HMCN1: variants seen among roughly 807,000 people sequenced by gnomAD.
HMCN1 encodes the protein hemicentin-1.
HMCN1 carries 321 observed loss-of-function variants against 625.9 expected under a neutral mutation model. That is an observed-to-expected ratio of 0.51 (90% CI 0.47 to 0.56). The LOEUF is 0.56. HMCN1 is among the 20% of genes least tolerant of loss of function. The probability of loss-of-function intolerance (pLI) is 0.00; values close to 1 mark genes in which losing one functional copy is unlikely to be tolerated. For synonymous variants in HMCN1, 2,425 were observed against 2,417.6 expected, an observed-to-expected ratio of 1.00 and a Z score of -0.09; for missense variants, 6,588 against 6,887.3, an observed-to-expected ratio of 0.96 and a Z score of 1.54.
intron 85 of HMCN1, among the ~76,000 whole-genome samples, chr1:186,131,695 A>G (rs979531175): frequency 1.8e-4 from 27 of 152,166 alleles, no homozygotes; most frequent in African/African-American, 6.3e-4. Context: ...TCTTCCATTC[A>G]CAAGACCTTC....
chr1:186,175,600 A>C (rs776547821), intron 103 of HMCN1, among the ~76,000 whole-genome samples: 21 of 152,210 alleles, frequency 1.4e-4, no homozygotes, highest in Non-Finnish European at 2.9e-4. Context: ...CATCTTGATC[A>C]GCCATAACCG....
chr1:185,907,111 C>T (rs563365151), intron 4 of HMCN1, among the ~76,000 whole-genome samples: 53 of 151,764 alleles, frequency 3.5e-4, no homozygotes, highest in African/African-American at 8.0e-4. Context: ...TTTGATAAGC[C>T]GAGTGATCCA....
intron 104 of HMCN1, 110 bp from the exon 105 acceptor site, chr1:186,182,058 T>G: frequency 8.2e-7 from 1 of 1,226,358 alleles, no homozygotes. Context: ...GAGTATAAAA[T>G]CACCAAGAAG....
intron 1 of HMCN1, among the ~76,000 whole-genome samples, chr1:185,832,142 A>G (rs990347014): frequency 1.3e-5 from 2 of 151,950 alleles, no homozygotes; most frequent in Non-Finnish European, 2.9e-5. Flanking sequence ...CTAAAAATAC[A>G]AAAATTAGCT....
chr1:186,075,830 A>G (rs2102359538), intron 53 of HMCN1, among the ~76,000 whole-genome samples: 1 of 152,236 alleles, frequency 6.6e-6, no homozygotes, highest in Middle Eastern at 3.4e-3. Flanking sequence ...GATTTTTCAT[A>G]ATTTTCTAAG....
intron 6 of HMCN1, among the ~76,000 whole-genome samples, chr1:185,920,794 G>A (rs907266933): frequency 3.3e-5 from 5 of 151,970 alleles, no homozygotes; most frequent in African/African-American, 7.3e-5. Flanking sequence ...GGCAAATTAC[G>A]TGTCATATTT....
chr1:186,007,000 A>G (rs1012466608), intron 29 of HMCN1, 128 bp from the exon 30 acceptor site: 3 of 740,238 alleles, frequency 4.1e-6, no homozygotes, highest in African/African-American at 1.8e-5. Context: ...AGTGCTAATC[A>G]TATCATTTTA....
chr1:185,811,611 A>G (rs897705356), intron 1 of HMCN1, among the ~76,000 whole-genome samples: 1 of 147,844 alleles, frequency 6.8e-6, no homozygotes, highest in African/African-American at 2.5e-5. Context: ...AAATAAAAAT[A>G]AAAAAAAAAG....
intron 36 of HMCN1, among the ~76,000 whole-genome samples, chr1:186,027,786 T>G (rs1372966541): frequency 6.6e-6 from 1 of 152,206 alleles, no homozygotes; most frequent in East Asian, 1.9e-4. Flanking sequence ...GGAACTCTCT[T>G]GGGTCTGTAT....
intron 86 of HMCN1, among the ~76,000 whole-genome samples, chr1:186,136,458 G>A (rs1649607711): frequency 1.3e-5 from 2 of 151,804 alleles, no homozygotes; most frequent in African/African-American, 4.8e-5. Flanking sequence ...GCTAATCTCA[G>A]GAATTTTAAA....
intron 1 of HMCN1, among the ~76,000 whole-genome samples, chr1:185,799,791 G>C (rs888113377): frequency 2.0e-5 from 3 of 152,192 alleles, no homozygotes; most frequent in African/African-American, 4.8e-5. Context: ...TTGCAAGAGA[G>C]ACAGCTGTGG....
intron 4 of HMCN1, among the ~76,000 whole-genome samples, chr1:185,898,184 G>T (rs1176836388): frequency 6.6e-6 from 1 of 152,116 alleles, no homozygotes; most frequent in Non-Finnish European, 1.5e-5. Context: ...ACTTGGATGG[G>T]GCTGGGATGC....
At chr1:186,092,017 G>A (rs944072132) in intron 64 of HMCN1, among the ~76,000 whole-genome samples, 1 of 151,744 alleles carries the variant, frequency 6.6e-6, no homozygotes, top group Non-Finnish European at 1.5e-5. Flanking sequence ...TCCAGACCAA[G>A]TACTACATAT....
chr1:186,109,707 C>T (rs929632632), intron 71 of HMCN1, among the ~76,000 whole-genome samples: 2 of 152,168 alleles, frequency 1.3e-5, no homozygotes, highest in Non-Finnish European at 2.9e-5. Flanking sequence ...TGATTCCAAT[C>T]ACAGGTAATG....
At chr1:185,757,077 C>T (rs1389592255) in intron 1 of HMCN1, among the ~76,000 whole-genome samples, 6 of 152,120 alleles carry the variant, frequency 3.9e-5, no homozygotes, top group Admixed American at 1.3e-4. Context: ...TGGGTTCAAG[C>T]GATTCTCCTG....
rs762536164 is a variant in HMCN1 at position 186,137,525 on chromosome 1, C to T, written c.13610C>T (p.Ala4537Val). The change falls in exon 88 of 107, where the codon GCA becomes GTA. Residue 4537 changes from alanine (A) to valine (V), a missense_variant. Physicochemically the swap from Ala to Val is moderately conservative, Grantham distance 64. Transcript: ENST00000271588. The stretch of plus-strand genomic sequence containing the variant: ...CATGGTGGATTTTCCCAGTGGTCTG[C>T]ATGGAGAGCCTGCAGTGTCACCTGT... Reference protein sequence around the residue: ...QVHGGFSQWSAWRACSVTCGK... With the variant: ...QVHGGFSQWSVWRACSVTCGK... 6.2e-7 allele frequency: 1 copy of T among 1,613,698 alleles called. No homozygotes were observed. Among genetic ancestry groups the T allele is most frequent in the Middle Eastern group, 1.7e-4 (1 of 6,044 alleles).
intron 64 of HMCN1, among the ~76,000 whole-genome samples, chr1:186,091,557 T>C (rs1659843639): frequency 6.6e-6 from 1 of 152,000 alleles, no homozygotes; most frequent in South Asian, 2.1e-4. Context: ...CCAAATCCCA[T>C]TTTCAGCTGG....
At chr1:186,144,877 T>C (rs757667769) in intron 91 of HMCN1, among the ~76,000 whole-genome samples, 174 bp downstream of exon 91, 2 of 152,216 alleles carry the variant, frequency 1.3e-5, no homozygotes, top group Non-Finnish European at 2.9e-5. Context: ...CTTCGATTCA[T>C]AGGGGCAGGA....
chr1:186,047,328 C>G (rs960309979), intron 41 of HMCN1, among the ~76,000 whole-genome samples: 1 of 152,148 alleles, frequency 6.6e-6, no homozygotes, highest in Non-Finnish European at 1.5e-5. Context: ...TAGAAAGCAT[C>G]TGGTAAAGTT....
Sources: allele counts gnomAD v4.1 joint callset (sites outside exome capture counted in the v4.1 genomes callset), GRCh38; gene constraint gnomAD v4.1.1; transcripts MANE v1.5; gene names NCBI Gene and HGNC (gene_info 2026-07-23, HGNC 2026-07-21).